MROH2B: variants seen among roughly 807,000 people sequenced by gnomAD.
MROH2B encodes maestro heat like repeat family member 2B, also known as maestro heat-like repeat-containing protein family member 2B.
MROH2B carries 177 observed loss-of-function variants against 208.6 expected under a neutral mutation model. The observed-to-expected ratio is 0.85, with a 90% CI of 0.75 to 0.96. The LOEUF (loss-of-function observed/expected upper bound fraction) is 0.96. MROH2B is among the 40% of genes least tolerant of loss of function. MROH2B has a pLI of 0.00. For synonymous variants in MROH2B, 728 were observed against 659.0 expected (o/e 1.10, Z -1.60); for missense variants, 2,002 against 1,878.7 (o/e 1.07, Z -1.21).
At chr5:41,012,479 C>G (rs952726489) in intron 30 of MROH2B, 104 bp downstream of exon 30, 5 of 1,269,982 alleles carry the variant, frequency 3.9e-6, no homozygotes, top group African/African-American at 1.5e-5. Flanking sequence ...GTTGTGCAAG[C>G]CTTTGCATGC....
At position 41,038,816 on chromosome 5, in the gene MROH2B, C is replaced by T. The variant is rs202211129; in HGVS notation, c.2134G>A (p.Ala712Thr). The T allele has an allele frequency of 6.2e-7, 1 of 1,613,586 alleles. No homozygotes were observed. Among genetic ancestry groups the T allele is most frequent in the Non-Finnish European group, 8.5e-7 (1 of 1,179,676 alleles). Residue 712 changes from alanine (A) to threonine (T), a missense_variant, in exon 21 of 42, where the codon GCT becomes ACT. Ala to Thr is a moderately conservative substitution (Grantham distance 58). Coordinates refer to ENST00000399564, the MANE Select transcript of MROH2B (RefSeq NM_173489.5). ...MVIYGAVALH[A>T]PKKQLLSRLN... ...CTGGAGAGAAGTTGCTTCTTGGGAG[C>T]ATGGAGGGCCACTGCTCCATAGATG... is the stretch of plus-strand genomic sequence containing the variant.
intron 21 of MROH2B, among the ~76,000 whole-genome samples, chr5:41,034,337 G>A (rs549296889): frequency 4.6e-5 from 7 of 152,210 alleles, no homozygotes; most frequent in African/African-American, 1.7e-4. Context: ...CTGTATCAGA[G>A]AATACTTTTA....
chr5:41,062,738 G>T (rs553233344), intron 5 of MROH2B, among the ~76,000 whole-genome samples: 1 of 152,022 alleles, frequency 6.6e-6, no homozygotes, highest in Non-Finnish European at 1.5e-5. Context: ...CTGTAGAGCC[G>T]GCCATTTATT....
In MROH2B at chr5:41,050,994, C is replaced by T. The variant is rs769265908; in HGVS notation, c.1327G>A (p.Val443Ile). The change falls in exon 13 of 42, where the codon GTC becomes ATC. Residue 443 changes from valine (V) to isoleucine (I), a missense_variant. Coordinates refer to ENST00000399564, the MANE Select transcript of MROH2B (RefSeq NM_173489.5). ...LEVLKTLDPLVIGMPQVLWPR... is the reference protein window; with the variant it reads ...LEVLKTLDPLIIGMPQVLWPR... Reference sequence around the variant, plus strand: ...CCACTTACCTGAGGCATTCCAATGACCAGTGGGTCCAGGGTTTTTAAGACC... The same window carrying T: ...CCACTTACCTGAGGCATTCCAATGATCAGTGGGTCCAGGGTTTTTAAGACC... 6.4e-7 allele frequency: 1 copy of T among 1,572,532 alleles called. No homozygotes were observed. The highest frequency in any genetic ancestry group is 8.6e-7 in the Non-Finnish European group (1 of 1,163,508).
chr5:41,069,584 T>A, intron 2 of MROH2B, 107 bp downstream of exon 2: 2 of 841,696 alleles, frequency 2.4e-6, no homozygotes, highest in Non-Finnish European at 1.9e-6. Flanking sequence ...TAATGCCATG[T>A]AACAAGCCAG....
At chr5:41,004,134 T>C (rs902072336) in intron 37 of MROH2B, among the ~76,000 whole-genome samples, 2 of 152,176 alleles carry the variant, frequency 1.3e-5, no homozygotes, top group African/African-American at 4.8e-5. Flanking sequence ...TCAACTAGCT[T>C]AGATCAATCA....
intron 30 of MROH2B, 138 bp from the exon 31 acceptor site, chr5:41,010,217 G>T: frequency 1.3e-6 from 1 of 792,074 alleles, no homozygotes; most frequent in Non-Finnish European, 1.9e-6. Context: ...TTCACATGTG[G>T]CCTATTTCTC....
intron 28 of MROH2B, among the ~76,000 whole-genome samples, 188 bp downstream of exon 28, chr5:41,017,660 CAG>C (rs1251906444): frequency 1.4e-5 from 2 of 146,458 alleles, no homozygotes; most frequent in African/African-American, 5.1e-5. Context: ...GAAGGAGAAA[CAG>C]AGAGAAAGAG....
rs781335678 is a variant in MROH2B at position 41,018,966 on chromosome 5, TCTC to T, written c.2491_2493del (p.Glu831del). The T allele has an allele frequency of 5.0e-6, 8 of 1,613,830 alleles. No homozygotes were observed. In the Admixed American group the frequency reaches 1.0e-4, roughly 20 times the overall value. On this transcript the variant is annotated inframe_deletion, in exon 25 of 42. Coordinates refer to ENST00000399564, the MANE Select transcript of MROH2B (RefSeq NM_173489.5). ...GGAAGGGGCAGCAGCCTCCGAATAT[TCTC>T]CTCAAGAATGTTAAGGTGGTCTTGT...
chr5:41,013,013 A>G (rs1741823061), intron 29 of MROH2B, among the ~76,000 whole-genome samples: 1 of 152,244 alleles, frequency 6.6e-6, no homozygotes, highest in Admixed American at 6.5e-5. Flanking sequence ...CTAAAGTTAT[A>G]GCATACAGCA....
intron 9 of MROH2B, 43 bp downstream of exon 9, chr5:41,057,066 T>G: frequency 6.3e-7 from 1 of 1,592,588 alleles, no homozygotes; most frequent in Non-Finnish European, 8.6e-7. Context: ...TCATCATCAC[T>G]TGGGGACATT....
In MROH2B at chr5:41,018,984, G is replaced by C. The variant is rs768710793; in HGVS notation, c.2476C>G (p.Leu826Val). The C allele has an allele frequency of 3.7e-6, 6 of 1,613,766 alleles. No homozygotes were observed. In the Admixed American group the frequency reaches 8.3e-5, roughly 22 times the overall value. ...LKPQLSLQDH[L>V]NILEENIRRL... is the part of the protein sequence containing the mutation. Reference sequence around the variant, plus strand: ...CGAATATTCTCCTCAAGAATGTTAAGGTGGTCTTGTAGTGAGAGCTGAGGT... The same window carrying C: ...CGAATATTCTCCTCAAGAATGTTAACGTGGTCTTGTAGTGAGAGCTGAGGT... The change falls in exon 25 of 42, where the codon CTT (leucine) becomes GTT (valine). Residue 826 changes from leucine (L) to valine (V), a missense_variant. By Grantham distance (32) the Leu-to-Val change is conservative. Transcript: ENST00000399564.
intron 2 of MROH2B, 72 bp downstream of exon 2, chr5:41,069,619 A>G (rs1743920158): frequency 3.2e-6 from 4 of 1,250,284 alleles, no homozygotes; most frequent in Admixed American, 2.2e-5. Flanking sequence ...GTTGAGACAA[A>G]GAAAAATATA....
In MROH2B at chr5:41,062,760, A is replaced by C. The variant is rs576030179; in HGVS notation, c.461-1036T>G. Among the ~76,000 whole-genome samples the C allele has an allele frequency of 5.3e-4, 80 of 152,224 alleles. No individual in the cohort carries two copies. The Middle Eastern group carries it at 0.014, about 26-fold the overall frequency. ...GCCGGCCATTTATTGGCTCATTCAC[A>C]GTCTCTCCAAACTCCTTATAATTTC... On this transcript the variant is annotated intron_variant, in intron 5 of 41. Transcript: ENST00000399564.
intron 19 of MROH2B, among the ~76,000 whole-genome samples, chr5:41,041,598 C>T (rs553432759): frequency 6.6e-6 from 1 of 152,068 alleles, no homozygotes; most frequent in East Asian, 1.9e-4. Flanking sequence ...CACTCCACCC[C>T]GGGTGACAGA....
intron 37 of MROH2B, among the ~76,000 whole-genome samples, chr5:41,001,719 A>G (rs1741402841): frequency 6.6e-6 from 1 of 151,820 alleles, no homozygotes; most frequent in Admixed American, 6.6e-5. Context: ...TCTGTCTCAA[A>G]AAAAGAAAGA....
chr5:41,021,703 C>T (rs1742154579), intron 24 of MROH2B, among the ~76,000 whole-genome samples: 1 of 152,096 alleles, frequency 6.6e-6, no homozygotes, highest in South Asian at 2.1e-4. Flanking sequence ...CATGGCAAAA[C>T]CATGTCTCTA....
rs1207787107 is a variant in MROH2B, at chr5:41,018,362, T to C, written c.2742A>G (p.Lys914=). Residue 914 remains lysine, a synonymous_variant, in exon 27 of 42, where the codon AAA becomes AAG. Coordinates refer to ENST00000399564, the MANE Select transcript of MROH2B (RefSeq NM_173489.5). ...TTACCTCAATATCATTTGTCAGCACTTTCGCAGTGATCTGGAAGGCTCTTT... is the reference window on the plus strand; with the variant it reads ...TTACCTCAATATCATTTGTCAGCACCTTCGCAGTGATCTGGAAGGCTCTTT... ...ERERAFQITA[K]VLTNDIEAPE... 6.2e-7 allele frequency: 1 copy of C among 1,613,196 alleles called. No homozygotes were observed. Among genetic ancestry groups the C allele is most frequent in the East Asian group, 2.2e-5 (1 of 44,884 alleles).
At chr5:41,021,613 C>T (rs577479185) in intron 24 of MROH2B, among the ~76,000 whole-genome samples, 8 of 152,218 alleles carry the variant, frequency 5.3e-5, no homozygotes, top group Non-Finnish European at 8.8e-5. Flanking sequence ...TATGGTGGTG[C>T]GAACCTGTAA....
Sources: gnomAD v4.1 joint callset for allele counts (sites outside exome capture counted in the v4.1 genomes callset) on GRCh38, gnomAD v4.1.1 for gene constraint, MANE v1.5 for transcripts, NCBI Gene and HGNC (gene_info 2026-07-23, HGNC 2026-07-21) for gene names.